LTBP1: variants seen among roughly 807,000 people sequenced by gnomAD.
LTBP1 encodes latent-transforming growth factor beta-binding protein 1.
In LTBP1, 129 loss-of-function variants were observed where a neutral mutation model predicts 207.6. That is an observed-to-expected ratio of 0.62 (90% confidence interval 0.54 to 0.72). LTBP1 has a LOEUF of 0.72. Among genes scored for constraint, LTBP1 ranks in the 30% least tolerant of loss-of-function variants. LTBP1 has a pLI of 0.00. For synonymous variants in LTBP1, 963 were observed against 833.7 expected, an observed-to-expected ratio of 1.16 and a Z score of -2.67; for missense variants, 2,281 against 2,217.2, an observed-to-expected ratio of 1.03 and a Z score of -0.58.
chr2:33,097,352 T>TG (rs2079454279), intron 3 of LTBP1, among the ~76,000 whole-genome samples: 2 of 152,130 alleles, frequency 1.3e-5, no homozygotes, highest in African/African-American at 2.4e-5. Flanking sequence ...ATATGTAAAG[T>TG]TCTAGTATTT....
chr2:33,244,544 A>T (rs1217128117), intron 10 of LTBP1, among the ~76,000 whole-genome samples: 2 of 152,210 alleles, frequency 1.3e-5, no homozygotes, highest in Admixed American at 1.3e-4. Context: ...TTAGAGAGGA[A>T]TGCATTTTAG....
intron 2 of LTBP1, among the ~76,000 whole-genome samples, chr2:32,994,907 C>T (rs976554853): frequency 6.6e-6 from 1 of 152,176 alleles, no homozygotes; most frequent in Admixed American, 6.5e-5. Flanking sequence ...TAAAGCTCTT[C>T]AGCTGGGCTT....
intron 8 of LTBP1, among the ~76,000 whole-genome samples, chr2:33,219,851 G>C (rs2090983265): frequency 6.6e-6 from 1 of 151,768 alleles, no homozygotes; most frequent in Non-Finnish European, 1.5e-5. Flanking sequence ...GATTCCTACT[G>C]TCCTTTTATT....
At chr2:33,194,602 A>G (rs2088325078) in intron 7 of LTBP1, among the ~76,000 whole-genome samples, 1 of 152,202 alleles carries the variant, frequency 6.6e-6, no homozygotes. Flanking sequence ...AGAGGTCAGG[A>G]AGTTGCAGAA....
At chr2:33,272,615 G>T (rs1050567380) in intron 15 of LTBP1, among the ~76,000 whole-genome samples, 1 of 152,188 alleles carries the variant, frequency 6.6e-6, no homozygotes, top group African/African-American at 2.4e-5. Context: ...ATACTTTGAA[G>T]TTGGAACTCT....
At chr2:33,341,261 G>A (rs2094615901) in intron 24 of LTBP1, among the ~76,000 whole-genome samples, 1 of 152,076 alleles carries the variant, frequency 6.6e-6, no homozygotes, top group Non-Finnish European at 1.5e-5. Flanking sequence ...AGTGAGGGTA[G>A]GATCCAGGGG....
intron 2 of LTBP1, among the ~76,000 whole-genome samples, chr2:33,002,340 G>A (rs748905078): frequency 2.0e-5 from 3 of 152,148 alleles, no homozygotes; most frequent in Non-Finnish European, 2.9e-5. Flanking sequence ...TCTGTGAGAC[G>A]GTGGAAAGAA....
chr2:33,377,108 T>G (rs567383389), intron 31 of LTBP1, among the ~76,000 whole-genome samples: 1 of 152,232 alleles, frequency 6.6e-6, no homozygotes, highest in East Asian at 1.9e-4. Flanking sequence ...AAAATAAAAT[T>G]TTTAAAAACC....
chr2:33,397,263 G>C lies in LTBP1; in HGVS notation c.4965G>C (p.Thr1655=). The C allele has an allele frequency of 6.2e-7, 1 of 1,614,018 alleles. No homozygotes were observed. The highest frequency in any genetic ancestry group is 8.5e-7 in the Non-Finnish European group (1 of 1,179,946). The change falls in exon 33 of 34, where the codon ACG becomes ACC. Residue 1655 remains threonine (T), a synonymous_variant. Transcript: ENST00000404816. ...CDCFDGYHLD[T]AKMTCVDVNE... ...GCTTTGATGGGTATCACTTGGATAC[G>C]GCCAAGATGACCTGTGTCGGTAAGA...
chr2:33,281,110 G>C (rs2093552210), intron 19 of LTBP1, among the ~76,000 whole-genome samples: 1 of 152,108 alleles, frequency 6.6e-6, no homozygotes, highest in Non-Finnish European at 1.5e-5. Flanking sequence ...TATATCCCCA[G>C]AGTTGTACTA....
chr2:33,369,195 A>C (rs753598982), intron 31 of LTBP1, among the ~76,000 whole-genome samples: 2 of 152,146 alleles, frequency 1.3e-5, no homozygotes, highest in African/African-American at 2.4e-5. Flanking sequence ...CACATGCCAA[A>C]TTTAAAAAAA....
intron 24 of LTBP1, among the ~76,000 whole-genome samples, chr2:33,328,171 T>TAAATAAATAAATAAATAAAAA (rs1559019584): frequency 8.2e-5 from 6 of 73,324 alleles, no homozygotes; most frequent in Admixed American, 4.7e-4. Context: ...ATAAATAAAA[T>TAAATAAATAAATAAATAAAAA]AAAAATAAAA....
chr2:33,312,102 G>A (rs1014773529), intron 23 of LTBP1, among the ~76,000 whole-genome samples: 6 of 152,124 alleles, frequency 3.9e-5, no homozygotes, highest in Non-Finnish European at 7.4e-5. Flanking sequence ...TCTTTCACTA[G>A]AGGCAGTTTT....
intron 2 of LTBP1, among the ~76,000 whole-genome samples, chr2:32,963,045 C>T (rs1041456353): frequency 5.3e-5 from 8 of 151,946 alleles, no homozygotes; most frequent in African/African-American, 1.2e-4. Flanking sequence ...TTTTGGGCTC[C>T]AGGCCTTGAG....
In LTBP1 at chr2:33,119,880, A is replaced by G. The variant is rs984652216; in HGVS notation, c.1033+9129A>G. Among the ~76,000 whole-genome samples the G allele has an allele frequency of 5.9e-5, 9 of 152,186 alleles. No individual in the cohort carries two copies. The East Asian group carries it at 1.7e-3, about 29-fold the overall frequency. On this transcript the variant is annotated intron_variant, in intron 4 of 33. Coordinates refer to ENST00000404816, the MANE Select transcript of LTBP1 (RefSeq NM_206943.4). ...CCTGTAAATACCTTTCTTATATTTTATATGTGACATTTCTTAAAAAGGGCT... is the reference window on the plus strand; with the variant it reads ...CCTGTAAATACCTTTCTTATATTTTGTATGTGACATTTCTTAAAAAGGGCT...
intron 2 of LTBP1, among the ~76,000 whole-genome samples, chr2:32,951,784 A>G (rs767274988): frequency 6.6e-6 from 1 of 152,262 alleles, no homozygotes; most frequent in South Asian, 2.1e-4. Flanking sequence ...GATCAAGCCA[A>G]GTAAATTCTA....
At chr2:33,201,064 T>C (rs1174417822) in intron 7 of LTBP1, among the ~76,000 whole-genome samples, 2 of 152,242 alleles carry the variant, frequency 1.3e-5, no homozygotes, top group Non-Finnish European at 2.9e-5. Flanking sequence ...TGGAAGTCAG[T>C]GTGGCAATTC....
intron 25 of LTBP1, among the ~76,000 whole-genome samples, chr2:33,346,974 G>A (rs945525923): frequency 2.0e-5 from 3 of 151,754 alleles, no homozygotes; most frequent in Non-Finnish European, 2.9e-5. Flanking sequence ...ACAAATTAGC[G>A]GGGCGTGGTG....
chr2:33,155,823 T>C (rs2147956291), intron 5 of LTBP1, among the ~76,000 whole-genome samples: 1 of 152,364 alleles, frequency 6.6e-6, no homozygotes, highest in East Asian at 1.9e-4. Flanking sequence ...ATATGCTGCT[T>C]CTCAGTTCAT....
Sources: allele counts gnomAD v4.1 joint callset (sites outside exome capture counted in the v4.1 genomes callset), GRCh38; gene constraint gnomAD v4.1.1; transcripts MANE v1.5; gene names NCBI Gene and HGNC (gene_info 2026-07-23, HGNC 2026-07-21).